The following FAM240B variants were observed in gnomAD, a reference collection of about 807,000 sequenced individuals.
The protein encoded by FAM240B is protein FAM240B.
intron 2 of FAM240B, among the ~76,000 whole-genome samples, chr9:38,697,862 A>T (rs1176393099): frequency 6.6e-6 from 1 of 152,342 alleles, no homozygotes; most frequent in East Asian, 1.9e-4. Context: ...TACATCATGG[A>T]AGTTGGCAAA....
At chr9:38,716,798 C>T (rs1480907518) in intron 1 of FAM240B, among the ~76,000 whole-genome samples, 2 of 152,168 alleles carry the variant, frequency 1.3e-5, no homozygotes, top group African/African-American at 4.8e-5. Context: ...CTTAAGAGTG[C>T]GCTCTAGCCA....
intron 2 of FAM240B, among the ~76,000 whole-genome samples, chr9:38,702,559 G>A (rs1417106919): frequency 6.6e-6 from 1 of 152,132 alleles, no homozygotes; most frequent in Admixed American, 6.6e-5. Context: ...GAATTGAGCT[G>A]ATCCTTCTGC....
intron 1 of FAM240B, among the ~76,000 whole-genome samples, chr9:38,713,058 C>T (rs563581623): frequency 5.3e-5 from 8 of 152,276 alleles, no homozygotes; most frequent in African/African-American, 1.9e-4. Flanking sequence ...CTCAATCCTG[C>T]CAGGTTGTGA....
intron 1 of FAM240B, among the ~76,000 whole-genome samples, chr9:38,712,126 G>A (rs1190519437): frequency 6.6e-6 from 1 of 152,072 alleles, no homozygotes; most frequent in Non-Finnish European, 1.5e-5. Context: ...TGAGTTCTTG[G>A]GTAGCTTGGA....
At chr9:38,714,636 C>T (rs537638742) in intron 1 of FAM240B, among the ~76,000 whole-genome samples, 13 of 152,172 alleles carry the variant, frequency 8.5e-5, no homozygotes, top group East Asian at 1.9e-4. Flanking sequence ...TGATGTGACA[C>T]GCTGACTCTA....
chr9:38,699,400 T>C (rs1396730580), intron 2 of FAM240B, among the ~76,000 whole-genome samples: 2 of 151,990 alleles, frequency 1.3e-5, no homozygotes, highest in East Asian at 3.9e-4. Flanking sequence ...CTGCGAAAAG[T>C]AAAGAAGGGA....
chr9:38,713,260 C>T (rs1425098031), intron 1 of FAM240B, among the ~76,000 whole-genome samples: 9 of 152,046 alleles, frequency 5.9e-5, no homozygotes, highest in South Asian at 2.1e-4. Context: ...AGACGGATCA[C>T]GAGGTCAGGA....
Position 38,715,908 on chromosome 9 carries a change from C to T in FAM240B, c.-4+4114G>A, listed in dbSNP as rs145799590. ...TGAAAGCAATTAGAGAAAGCACCACCCCTCCCCGGTTACTGTTAACCACTG... is the reference window on the plus strand; with the variant it reads ...TGAAAGCAATTAGAGAAAGCACCACTCCTCCCCGGTTACTGTTAACCACTG... On this transcript the variant is annotated intron_variant, in intron 1 of 2. Transcript: ENST00000637493. Among the ~76,000 whole-genome samples the T allele has an allele frequency of 4.5e-3, 685 of 152,198 alleles. 4 individuals are homozygous for T. The highest frequency in any genetic ancestry group is 0.015 in the African/African-American group (643 of 41,530).
chr9:38,718,187 A>G (rs967009147), intron 1 of FAM240B, among the ~76,000 whole-genome samples: 2 of 152,212 alleles, frequency 1.3e-5, no homozygotes, highest in African/African-American at 4.8e-5. Context: ...GCATGGATGG[A>G]CATTTGAATT....
At chr9:38,716,369 G>A (rs1284154335) in intron 1 of FAM240B, among the ~76,000 whole-genome samples, 2 of 152,314 alleles carry the variant, frequency 1.3e-5, no homozygotes, top group Non-Finnish European at 2.9e-5. Context: ...CTACTCGGGA[G>A]GCTGAGGCAG....
intron 1 of FAM240B, among the ~76,000 whole-genome samples, chr9:38,706,782 T>C (rs563022292): frequency 1.3e-5 from 2 of 152,354 alleles, no homozygotes; most frequent in African/African-American, 2.4e-5. Flanking sequence ...TTCTCACTTA[T>C]TTTCTTTCCC....
intron 2 of FAM240B, among the ~76,000 whole-genome samples, chr9:38,702,887 G>T (rs1438687595): frequency 6.6e-6 from 1 of 152,154 alleles, no homozygotes; most frequent in East Asian, 1.9e-4. Context: ...CGAACAGATT[G>T]TTTTAGTTTA....
At position 38,702,136 on chromosome 9, in the gene FAM240B, G is replaced by A. The variant is rs182712808; in HGVS notation, c.143+1721C>T. Among the ~76,000 whole-genome samples, 226 of 152,266 alleles carry A rather than the reference G, an allele frequency of 1.5e-3. 3 individuals carry two copies. The highest frequency in any genetic ancestry group is 5.2e-3 in the African/African-American group (217 of 41,550). On this transcript the variant is annotated intron_variant, in intron 2 of 2. Transcript: ENST00000637493. ...GTGGGCTAGTGGGCCAGGACTGGGGGACGGAAGATGGTGGGGACCACACAA... is the reference window on the plus strand; with the variant it reads ...GTGGGCTAGTGGGCCAGGACTGGGGAACGGAAGATGGTGGGGACCACACAA...
chr9:38,704,289 C>T (rs908354815), intron 1 of FAM240B, among the ~76,000 whole-genome samples: 9 of 151,910 alleles, frequency 5.9e-5, no homozygotes, highest in Non-Finnish European at 1.5e-5. Flanking sequence ...TAAGGCTTGC[C>T]CTTTTCACTG....
chr9:38,696,640 T>C (rs142964323), intron 2 of FAM240B, among the ~76,000 whole-genome samples: 1,591 of 151,944 alleles, frequency 0.01, 22 homozygotes, highest in African/African-American at 0.036. Flanking sequence ...AAACCCCACC[T>C]CTACTAAAAA....
chr9:38,708,677 A>C (rs574580995), intron 1 of FAM240B, among the ~76,000 whole-genome samples: 1 of 152,242 alleles, frequency 6.6e-6, no homozygotes, highest in African/African-American at 2.4e-5. Context: ...CCCACCATTC[A>C]TTCCCCAAAT....
chr9:38,719,249 C>G (rs569497574), intron 1 of FAM240B, among the ~76,000 whole-genome samples: 3 of 151,830 alleles, frequency 2.0e-5, no homozygotes, highest in East Asian at 1.9e-4. Context: ...CATCCCCCCC[C>G]ACCCCCAGCA....
chr9:38,713,827 C>G (rs1314443792), intron 1 of FAM240B, among the ~76,000 whole-genome samples: 1 of 152,162 alleles, frequency 6.6e-6, no homozygotes, highest in African/African-American at 2.4e-5. Context: ...TAGAGGAATT[C>G]TTTGAATTAT....
At chr9:38,697,239 C>A (rs991736687) in intron 2 of FAM240B, among the ~76,000 whole-genome samples, 26 of 152,174 alleles carry the variant, frequency 1.7e-4, no homozygotes, top group Non-Finnish European at 2.9e-4. Context: ...GCTTCTTTCC[C>A]TTTGTATTTG....
Sources: allele counts gnomAD v4.1 joint callset (sites outside exome capture counted in the v4.1 genomes callset), GRCh38; gene constraint gnomAD v4.1.1; transcripts MANE v1.5; gene names NCBI Gene and HGNC (gene_info 2026-07-23, HGNC 2026-07-21).